Variants in B3GAT2 observed in about 807,000 individuals in gnomAD.
The protein encoded by B3GAT2 is galactosylgalactosylxylosylprotein 3-beta-glucuronosyltransferase 2.
A neutral mutation model predicts 27.8 loss-of-function variants in B3GAT2; 26 were observed. The ratio of observed to expected loss-of-function variants is 0.93; its 90% CI spans 0.68 to 1.30. B3GAT2 has a LOEUF of 1.30. B3GAT2 is among the 50% of genes most tolerant of loss of function. The probability of loss-of-function intolerance (pLI) is 0.00; values close to 1 mark genes in which losing one functional copy is unlikely to be tolerated. For synonymous variants in B3GAT2, 218 were observed against 195.1 expected, an observed-to-expected ratio of 1.12 and a Z score of -0.98; for missense variants, 458 against 459.0, an observed-to-expected ratio of 1.00 and a Z score of 0.02.
intron 1 of B3GAT2, among the ~76,000 whole-genome samples, chr6:70,938,477 G>T (rs1174962534): frequency 6.6e-6 from 1 of 151,862 alleles, no homozygotes; most frequent in Non-Finnish European, 1.5e-5. Flanking sequence ...CAAAGCTGGA[G>T]GCATCACACT....
intron 2 of B3GAT2, among the ~76,000 whole-genome samples, chr6:70,880,654 A>AT (rs372247659): frequency 0.052 from 7,429 of 141,730 alleles, 210 homozygotes; most frequent in South Asian, 0.065. Context: ...CAGCTGGCTA[A>AT]TTTTTTTTTT....
At chr6:70,871,217 TTTTTG>T (rs1173322193) in intron 2 of B3GAT2, among the ~76,000 whole-genome samples, 2,505 of 65,036 alleles carry the variant, frequency 0.039, 80 homozygotes, top group South Asian at 0.14. Flanking sequence ...TGTTTTTTTT[TTTTTG>T]TTTTTTTTTT....
chr6:70,863,688 G>T (rs1262642937), intron 2 of B3GAT2, among the ~76,000 whole-genome samples: 1 of 152,084 alleles, frequency 6.6e-6, no homozygotes, highest in African/African-American at 2.4e-5. Context: ...AAAAATTGAG[G>T]TATGGAAAGA....
intron 1 of B3GAT2, among the ~76,000 whole-genome samples, chr6:70,946,194 A>G (rs1364522711): frequency 3.3e-5 from 5 of 152,060 alleles, no homozygotes; most frequent in East Asian, 3.9e-4. Context: ...CTAACATCAT[A>G]ATGACAGGAT....
At chr6:70,928,642 G>T (rs536300573) in intron 1 of B3GAT2, among the ~76,000 whole-genome samples, 1 of 152,182 alleles carries the variant, frequency 6.6e-6, no homozygotes, top group Non-Finnish European at 1.5e-5. Context: ...CCAGGAAGAA[G>T]TTGAATCCCT....
chr6:70,930,864 A>G (rs903153943), intron 1 of B3GAT2, among the ~76,000 whole-genome samples: 1 of 152,156 alleles, frequency 6.6e-6, no homozygotes, highest in Non-Finnish European at 1.5e-5. Context: ...AAATCATGCT[A>G]TTATAAAGAC....
In B3GAT2 at chr6:70,942,813, A is replaced by G. The variant is rs566588539; in HGVS notation, c.591+13026T>C. Among the ~76,000 whole-genome samples, 3 of 152,318 alleles carry G rather than the reference A, an allele frequency of 2.0e-5. No individual in the cohort carries two copies. In the South Asian group the frequency reaches 6.2e-4, roughly 32 times the overall value. ...AATAGGATGAAGTTTGAGCTCAGGT[A>G]GGTAGAAGGAATCTTACAGAGTAAT... On this transcript the variant is annotated intron_variant, in intron 1 of 3. Transcript: ENST00000230053.
At chr6:70,906,309 C>T (rs1386573936) in intron 1 of B3GAT2, among the ~76,000 whole-genome samples, 5 of 152,098 alleles carry the variant, frequency 3.3e-5, no homozygotes, top group South Asian at 2.1e-4. Context: ...TACTCTACCA[C>T]GACCACACAC....
chr6:70,941,086 C>T (rs892268975), intron 1 of B3GAT2, among the ~76,000 whole-genome samples: 1 of 152,158 alleles, frequency 6.6e-6, no homozygotes, highest in African/African-American at 2.4e-5. Context: ...CCTGTAATCA[C>T]CCTAGTAATA....
At chr6:70,943,861 T>C (rs1338647432) in intron 1 of B3GAT2, among the ~76,000 whole-genome samples, 1 of 152,150 alleles carries the variant, frequency 6.6e-6, no homozygotes, top group Non-Finnish European at 1.5e-5. Context: ...TTAGAAAGAA[T>C]ACATTTAGAA....
chr6:70,950,715 C>T (rs1453625251), intron 1 of B3GAT2, among the ~76,000 whole-genome samples: 4 of 152,116 alleles, frequency 2.6e-5, no homozygotes, highest in South Asian at 4.1e-4. Flanking sequence ...CAAGGGACTG[C>T]GTCCATAACT....
chr6:70,951,605 T>C (rs1293568168), intron 1 of B3GAT2, among the ~76,000 whole-genome samples: 1 of 152,202 alleles, frequency 6.6e-6, no homozygotes, highest in Non-Finnish European at 1.5e-5. Flanking sequence ...TTGTTATTTC[T>C]GGTCCATTAA....
At chr6:70,931,171 C>T (rs1400587158) in intron 1 of B3GAT2, among the ~76,000 whole-genome samples, 1 of 151,898 alleles carries the variant, frequency 6.6e-6, no homozygotes, top group Non-Finnish European at 1.5e-5. Flanking sequence ...ACATCACACA[C>T]TGGGGCCTGT....
intron 1 of B3GAT2, among the ~76,000 whole-genome samples, chr6:70,896,398 T>C (rs1354455555): frequency 6.6e-6 from 1 of 152,138 alleles, no homozygotes; most frequent in East Asian, 1.9e-4. Context: ...AATACTAATA[T>C]AGAATAAAAT....
At chr6:70,899,188 T>G (rs1372217027) in intron 1 of B3GAT2, among the ~76,000 whole-genome samples, 1 of 152,088 alleles carries the variant, frequency 6.6e-6, no homozygotes, top group African/African-American at 2.4e-5. Context: ...AAAAGAATAA[T>G]AAACTATACC....
At chr6:70,889,072 T>C (rs1772240080) in intron 2 of B3GAT2, among the ~76,000 whole-genome samples, 1 of 152,010 alleles carries the variant, frequency 6.6e-6, no homozygotes, top group African/African-American at 2.4e-5. Flanking sequence ...AAATGTCACT[T>C]CTCCCTCTAT....
chr6:70,896,499 C>A (rs971420279), intron 1 of B3GAT2, among the ~76,000 whole-genome samples: 1 of 152,162 alleles, frequency 6.6e-6, no homozygotes, highest in Non-Finnish European at 1.5e-5. Context: ...ACACACCCAG[C>A]ACCCCCAAAA....
chr6:70,951,873 T>A (rs1387862571), intron 1 of B3GAT2, among the ~76,000 whole-genome samples: 1 of 152,152 alleles, frequency 6.6e-6, no homozygotes, highest in Non-Finnish European at 1.5e-5. Flanking sequence ...GGTCTTTTAA[T>A]GTTCCACCCA....
At chr6:70,872,094 C>T (rs1314667286) in intron 2 of B3GAT2, among the ~76,000 whole-genome samples, 1 of 151,918 alleles carries the variant, frequency 6.6e-6, no homozygotes, top group Non-Finnish European at 1.5e-5. Flanking sequence ...TAAATTGTGT[C>T]CTGCTTTATG....
Sources: allele counts gnomAD v4.1 joint callset (sites outside exome capture counted in the v4.1 genomes callset), GRCh38; gene constraint gnomAD v4.1.1; transcripts MANE v1.5; gene names NCBI Gene and HGNC (gene_info 2026-07-23, HGNC 2026-07-21).